Variants in SLC4A10 observed in about 807,000 individuals in gnomAD.
SLC4A10 encodes sodium-driven chloride bicarbonate exchanger.
SLC4A10 carries 42 observed loss-of-function variants against 137.7 expected under a neutral mutation model. That is an observed-to-expected ratio of 0.30 (90% CI 0.24 to 0.39). The LOEUF is 0.39. Among genes scored for constraint, SLC4A10 ranks in the 10% least tolerant of loss-of-function variants. SLC4A10 has a pLI of 1.00. For missense variants in SLC4A10, 925 were observed against 1,355.0 expected, an observed-to-expected ratio of 0.68 and a Z score of 4.98; for synonymous variants, 474 against 464.1, an observed-to-expected ratio of 1.02 and a Z score of -0.27.
At chr2:161,840,891 C>G (rs1342215861) in intron 4 of SLC4A10, among the ~76,000 whole-genome samples, 1 of 152,108 alleles carries the variant, frequency 6.6e-6, no homozygotes, top group South Asian at 2.1e-4. Flanking sequence ...CTTTGAGTAG[C>G]AGTTATCTAA....
At chr2:161,955,002 C>G (rs1279266820) in intron 19 of SLC4A10, among the ~76,000 whole-genome samples, 1 of 152,168 alleles carries the variant, frequency 6.6e-6, no homozygotes, top group Non-Finnish European at 1.5e-5. Flanking sequence ...GGCCCCCTGT[C>G]TTCTGCCCTC....
At chr2:161,746,634 C>A (rs1459120059) in intron 1 of SLC4A10, among the ~76,000 whole-genome samples, 3 of 152,094 alleles carry the variant, frequency 2.0e-5, no homozygotes, top group Non-Finnish European at 4.4e-5. Flanking sequence ...CTTCTTTCCC[C>A]TTTCCTCAGC....
At chr2:161,736,953 T>G (rs1173869407) in intron 1 of SLC4A10, among the ~76,000 whole-genome samples, 1 of 152,046 alleles carries the variant, frequency 6.6e-6, no homozygotes, top group Non-Finnish European at 1.5e-5. Context: ...CTTGACCTCA[T>G]GGGCTCAAGT....
chr2:161,767,202 GTATATATATATACACATATA>G (rs1223695079), intron 1 of SLC4A10, among the ~76,000 whole-genome samples: 3 of 67,602 alleles, frequency 4.4e-5, no homozygotes, highest in Admixed American at 1.5e-4. Context: ...GTGTGTGTGT[GTATATATATATACACATATA>G]TATATATATA....
intron 8 of SLC4A10, among the ~76,000 whole-genome samples, chr2:161,875,489 G>A (rs9677509): frequency 1.3e-3 from 196 of 152,188 alleles, no homozygotes; most frequent in African/African-American, 4.6e-3. Context: ...CCTTCCAGTG[G>A]ATAGACGTAT....
intron 1 of SLC4A10, among the ~76,000 whole-genome samples, chr2:161,742,404 C>T (rs1023645276): frequency 2.1e-5 from 3 of 145,664 alleles, no homozygotes; most frequent in Non-Finnish European, 4.5e-5. Flanking sequence ...GCATACGGTT[C>T]TCCTTTCTTT....
At chr2:161,706,469 A>G (rs1470643102) in intron 1 of SLC4A10, among the ~76,000 whole-genome samples, 1 of 151,428 alleles carries the variant, frequency 6.6e-6, no homozygotes, top group Admixed American at 6.6e-5. Context: ...ATCTGGATCT[A>G]TTCATTTCTC....
chr2:161,754,287 A>G (rs1264959266), intron 1 of SLC4A10, among the ~76,000 whole-genome samples: 6 of 152,178 alleles, frequency 3.9e-5, no homozygotes, highest in Admixed American at 6.5e-5. Context: ...TAAATAGCCC[A>G]TAAACAGATT....
At chr2:161,869,552 A>G (rs1164747183) in intron 6 of SLC4A10, among the ~76,000 whole-genome samples, 1 of 151,586 alleles carries the variant, frequency 6.6e-6, no homozygotes, top group Non-Finnish European at 1.5e-5. Context: ...TTTTTAAAAG[A>G]CTTCTATTTT....
At chr2:161,729,960 T>A (rs921286314) in intron 1 of SLC4A10, among the ~76,000 whole-genome samples, 1 of 152,154 alleles carries the variant, frequency 6.6e-6, no homozygotes, top group Non-Finnish European at 1.5e-5. Context: ...TTTGCTGGAA[T>A]ATAAAGCCGG....
At chr2:161,645,760 G>A (rs895212806) in intron 1 of SLC4A10, among the ~76,000 whole-genome samples, 4 of 151,968 alleles carry the variant, frequency 2.6e-5, no homozygotes, top group Non-Finnish European at 4.4e-5. Context: ...ACATAGTAAA[G>A]TAATTTTACA....
rs111516247 is a variant in SLC4A10, at chr2:161,829,971, A to G, written c.278-9818A>G. 3.4e-3 allele frequency among the ~76,000 whole-genome samples: 523 copies of G among 152,304 alleles called. 3 individuals are homozygous for G. Among genetic ancestry groups the G allele is most frequent in the African/African-American group, 0.011 (460 of 41,566 alleles). On this transcript the variant is annotated intron_variant, in intron 3 of 26. Coordinates refer to ENST00000446997, the MANE Select transcript of SLC4A10 (RefSeq NM_001178015.2). ...GGGAAACTGTCCCCATGATTCAATT[A>G]TCTCTCACTGGGTCTCTGCCACAAC...
At chr2:161,868,433 T>A (rs1292506192) in intron 6 of SLC4A10, among the ~76,000 whole-genome samples, 1 of 151,712 alleles carries the variant, frequency 6.6e-6, no homozygotes, top group East Asian at 1.9e-4. Context: ...TAGTATTTAC[T>A]CAAAATACTC....
chr2:161,882,015 T>C (rs1388692704), intron 9 of SLC4A10, among the ~76,000 whole-genome samples: 3 of 151,900 alleles, frequency 2.0e-5, no homozygotes, highest in Non-Finnish European at 4.4e-5. Context: ...TTTAGAAAGG[T>C]CTAATCAGAT....
intron 1 of SLC4A10, among the ~76,000 whole-genome samples, chr2:161,669,824 T>C (rs916999758): frequency 3.9e-5 from 6 of 152,026 alleles, no homozygotes; most frequent in East Asian, 1.9e-4. Context: ...AGGCCTCCAA[T>C]TGGGTGACAC....
rs1575325906 is a variant in SLC4A10, at chr2:161,859,843, G to T, written c.578-3031G>T. Among the ~76,000 whole-genome samples the T allele has an allele frequency of 4.0e-5, 6 of 151,772 alleles. No homozygotes were observed. In the South Asian group the frequency reaches 1.2e-3, roughly 32 times the overall value. On this transcript the variant is annotated intron_variant, in intron 5 of 26. Transcript: ENST00000446997. ...TCTCTATCCCCTGACCTCGTGATCC[G>T]CCCGCCTCGGCCTCCCAAAGTGCTG...
At chr2:161,962,365 C>T (rs2105900495) in intron 21 of SLC4A10, among the ~76,000 whole-genome samples, 1 of 152,218 alleles carries the variant, frequency 6.6e-6, no homozygotes, top group Non-Finnish European at 1.5e-5. Context: ...TACACTTATG[C>T]AATAACATAG....
chr2:161,751,634 ACCT>A (rs1224063217), intron 1 of SLC4A10, among the ~76,000 whole-genome samples: 1 of 149,956 alleles, frequency 6.7e-6, no homozygotes, highest in Non-Finnish European at 1.5e-5. Flanking sequence ...AAAGTCATAG[ACCT>A]CCTATTCCGC....
At chr2:161,791,298 A>G (rs1235957213) in intron 2 of SLC4A10, among the ~76,000 whole-genome samples, 3 of 152,198 alleles carry the variant, frequency 2.0e-5, no homozygotes, top group Non-Finnish European at 4.4e-5. Flanking sequence ...AAAAAGGAAC[A>G]AGATCATGTC....
Sources: gnomAD v4.1 joint callset for allele counts (sites outside exome capture counted in the v4.1 genomes callset) on GRCh38, gnomAD v4.1.1 for gene constraint, MANE v1.5 for transcripts, NCBI Gene and HGNC (gene_info 2026-07-23, HGNC 2026-07-21) for gene names.